The following TSC2 variants were observed in gnomAD, a reference collection of about 807,000 sequenced individuals.
TSC2 encodes the protein tuberin.
In TSC2, 29 loss-of-function variants were observed where a neutral mutation model predicts 202.2. The ratio of observed to expected loss-of-function variants is 0.14; its 90% CI spans 0.11 to 0.20. The LOEUF (loss-of-function observed/expected upper bound fraction) is 0.20, where lower values mean the gene tolerates loss of function less well. Ranked by LOEUF, TSC2 falls within the 10% of genes least tolerant of loss-of-function variation. The probability of loss-of-function intolerance (pLI) is 1.00; values close to 1 mark genes in which losing one functional copy is unlikely to be tolerated. For missense variants in TSC2, 2,429 were observed against 2,420.0 expected (o/e 1.00, Z -0.08); for synonymous variants, 1,349 against 1,044.0 (o/e 1.29, Z -5.63).
chr16:2,082,723 G>A (rs921948216), intron 32 of TSC2: 8 of 629,726 alleles, frequency 1.3e-5, no homozygotes, highest in African/African-American at 5.4e-5. Context: ...CTGTTCCCAC[G>A]CTGTGCGAGC....
chr16:2,083,455 GAGCC>G (rs1341196182), intron 32 of TSC2: 1 of 660,852 alleles, frequency 1.5e-6, no homozygotes, highest in Non-Finnish European at 2.7e-6. Context: ...AGGGTGGGCA[GAGCC>G]GATTGCCTGC....
intron 25 of TSC2, 142 bp downstream of exon 25, chr16:2,076,727 C>G (rs1489191021): frequency 3.5e-6 from 3 of 856,802 alleles, no homozygotes; most frequent in African/African-American, 3.4e-5. Context: ...GCAGGACCTG[C>G]AAGGGCCGCT....
chr16:2,086,597 C>T (rs1026620468), intron 37 of TSC2, 135 bp from the exon 38 acceptor site: 239 of 1,459,228 alleles, frequency 1.6e-4, no homozygotes, highest in Non-Finnish European at 2.1e-4. Flanking sequence ...AGCCGAGGAC[C>T]ACTGGCCAGG....
chr16:2,086,399 C>G lies in TSC2; in HGVS notation c.4849+20C>G, dbSNP rs140884776. The G allele has an allele frequency of 2.2e-5, 35 of 1,608,924 alleles. No homozygotes were observed. The Admixed American group carries it at 5.4e-4, about 25-fold the overall frequency. On this transcript the variant is annotated intron_variant, in intron 37 of 41. Transcript: ENST00000219476. ...TGCAAGGTACGGCCTGGCGCCTACCCGCTCCTGCTGCCCCAGGCCTCAGGG... is the reference window on the plus strand; with the variant it reads ...TGCAAGGTACGGCCTGGCGCCTACCGGCTCCTGCTGCCCCAGGCCTCAGGG...
At chr16:2,080,678 GT>G in intron 30 of TSC2, 1 of 389,478 alleles carries the variant, frequency 2.6e-6, no homozygotes, top group Middle Eastern at 8.1e-4. Flanking sequence ...TAGAGATGGG[GT>G]TTCACTGTGT....
Position 2,081,782 on chromosome 16 carries a change from G to A in TSC2, c.3798G>A (p.Leu1266=), listed in dbSNP as rs1187813837. 5.6e-6 allele frequency: 9 copies of A among 1,612,460 alleles called. No homozygotes were observed. The highest frequency in any genetic ancestry group is 7.6e-6 in the Non-Finnish European group (9 of 1,179,980). Reference sequence around the variant, plus strand: ...CCAGCACGGCCAAACCCCCTCCTCTGCCTCGCTCCAACACAGGTGAGTGGC... The same window carrying A: ...CCAGCACGGCCAAACCCCCTCCTCTACCTCGCTCCAACACAGGTGAGTGGC... The part of the protein sequence containing the change: ...PAASTAKPPP[L]PRSNTVASFS... The change falls in exon 31 of 42, where the codon CTG becomes CTA. Residue 1266 remains leucine, a synonymous_variant. Coordinates refer to ENST00000219476, the MANE Select transcript of TSC2 (RefSeq NM_000548.5).
rs1360361868 is a variant in TSC2 at position 2,074,382 on chromosome 16, C to T, written c.2538C>T (p.Phe846=). The T allele has an allele frequency of 1.2e-6, 2 of 1,610,784 alleles. No homozygotes were observed. The highest frequency in any genetic ancestry group is 1.1e-5 in the South Asian group (1 of 91,082). The change falls in exon 22 of 42, where the codon TTC becomes TTT. Residue 846 remains phenylalanine (F), a synonymous_variant. Coordinates refer to ENST00000219476, the MANE Select transcript of TSC2 (RefSeq NM_000548.5). ...GCATGGCCGTCCCACTGCTGGAGTT[C>T]CTGTCCAGTGAGTCCCCGCCCTGCC... is the stretch of plus-strand genomic sequence containing the variant. ...TASMAVPLLE[F]LSTLARLPHL...
Position 2,079,199 on chromosome 16 carries a change from C to T in TSC2, c.3131+3C>T. 1.2e-6 allele frequency: 2 copies of T among 1,612,844 alleles called. No homozygotes were observed. Among genetic ancestry groups the T allele is most frequent in the Non-Finnish European group, 1.7e-6 (2 of 1,180,010 alleles). On this transcript the variant is annotated splice_donor_region_variant and intron_variant, in intron 27 of 41. Transcript: ENST00000219476. The surrounding 1 kb of genome is among the most constrained non-coding windows in gnomAD (Gnocchi z 4.6). Reference sequence around the variant, plus strand: ...AACTTCACGGCTGTCCCGAAGAGGTCCAGGCGGCACTACAGGGCTGGGCGG... The same window carrying T: ...AACTTCACGGCTGTCCCGAAGAGGTTCAGGCGGCACTACAGGGCTGGGCGG...
intron 11 of TSC2, chr16:2,061,614 CTG>C (rs1051448712): frequency 4.5e-5 from 25 of 554,336 alleles, no homozygotes; most frequent in Non-Finnish European, 7.5e-5. Flanking sequence ...ATCACAGCCA[CTG>C]TGGCCCCTTG....
intron 3 of TSC2, among the ~76,000 whole-genome samples, chr16:2,052,123 C>T (rs547336479): frequency 2.0e-5 from 3 of 151,978 alleles, no homozygotes; most frequent in South Asian, 2.1e-4. Context: ...TGTGTGGGTA[C>T]GGGGCAGCCT....
chr16:2,055,410 G>C lies in TSC2; in HGVS notation c.490G>C (p.Val164Leu), dbSNP rs1596270687. 2 of 1,614,220 alleles carry C rather than the reference G, an allele frequency of 1.2e-6. No individual in the cohort carries two copies. Among genetic ancestry groups the C allele is most frequent in the Non-Finnish European group, 1.7e-6 (2 of 1,180,034 alleles). Residue 164 changes from valine to leucine, a missense_variant, in exon 6 of 42, where the codon GTC (valine) becomes CTC (leucine). Physicochemically the swap from Val to Leu is conservative, Grantham distance 32 (BLOSUM62 1). Coordinates refer to ENST00000219476, the MANE Select transcript of TSC2 (RefSeq NM_000548.5). ...TYLEEELADF[V>L]LQWMDVGLSS... ...CGCCGCTTCTCCCCCAGCTGACTTT[G>C]TCCTGCAGTGGATGGATGTTGGCTT...
chr16:2,062,686 C>A, intron 13 of TSC2, 86 bp downstream of exon 13: 2 of 1,388,266 alleles, frequency 1.4e-6, no homozygotes, highest in Admixed American at 3.9e-5. Context: ...TCTCAGGATG[C>A]CCGATGAGCA....
At chr16:2,068,401 C>T (rs893677063) in intron 16 of TSC2, among the ~76,000 whole-genome samples, 6 of 152,190 alleles carry the variant, frequency 3.9e-5, no homozygotes, top group Non-Finnish European at 7.3e-5. Context: ...CAGTATGGGG[C>T]TGGGAGTGCC....
At chr16:2,082,930 C>G (rs1174613612) in intron 32 of TSC2, 1 of 375,298 alleles carries the variant, frequency 2.7e-6, no homozygotes, top group East Asian at 6.8e-5. Context: ...GCCTCAAGTC[C>G]CAGGTTGACC....
chr16:2,048,689 G>A lies in TSC2; in HGVS notation c.74G>A (p.Arg25Lys), dbSNP rs759867905. ...FKILLGLGTPRPNPRSAEGKQ... is the reference protein window; with the variant it reads ...FKILLGLGTPKPNPRSAEGKQ... Reference sequence around the variant, plus strand: ...ATTCTGTTGGGACTGGGAACACCGAGGCCAAATCCCAGGTCTGCAGAGGGT... The same window carrying A: ...ATTCTGTTGGGACTGGGAACACCGAAGCCAAATCCCAGGTCTGCAGAGGGT... The change falls in exon 2 of 42, where the codon AGG (arginine) becomes AAG (lysine). Residue 25 changes from arginine (R) to lysine (K), a missense_variant. By Grantham distance (26) the Arg-to-Lys change is conservative (BLOSUM62 2). Transcript: ENST00000219476. The A allele has an allele frequency of 1.2e-6, 2 of 1,614,064 alleles. No individual in the cohort carries two copies. The highest frequency in any genetic ancestry group is 1.7e-6 in the Non-Finnish European group (2 of 1,180,032).
chr16:2,063,206 C>G (rs531055351), intron 14 of TSC2, 153 bp downstream of exon 14: 1 of 914,888 alleles, frequency 1.1e-6, no homozygotes, highest in African/African-American at 1.6e-5. Flanking sequence ...CTGTTTACCC[C>G]TGTTCATTCA....
At chr16:2,085,067 TGGCTCG>T (rs1427784301) in intron 35 of TSC2, 41 bp downstream of exon 35, 1 of 1,610,650 alleles carries the variant, frequency 6.2e-7, no homozygotes, top group Admixed American at 1.7e-5. Flanking sequence ...TGGAGCTGTG[TGGCTCG>T]GGTGAATGGT....
At chr16:2,076,726 G>C (rs903828291) in intron 25 of TSC2, 141 bp downstream of exon 25, 2 of 855,964 alleles carry the variant, frequency 2.3e-6, no homozygotes, top group Non-Finnish European at 3.7e-6. Context: ...GGCAGGACCT[G>C]CAAGGGCCGC....
rs45517199 is a variant in TSC2, at chr16:2,070,522, C to G, written c.1783C>G (p.Gln595Glu). Residue 595 changes from glutamine (Q) to glutamate (E), a missense_variant, in exon 17 of 42, where the codon CAG (glutamine) becomes GAG (glutamate). Transcript: ENST00000219476. ...RVYEMLVSHI[Q>E]LHYKHSYTLP... ...GTATGAGATGCTGGTCAGCCACATTCAGCTCCACTACAAGCACAGCTACAC... is the reference window on the plus strand; with the variant it reads ...GTATGAGATGCTGGTCAGCCACATTGAGCTCCACTACAAGCACAGCTACAC... 8 of 1,613,390 alleles carry G rather than the reference C, an allele frequency of 5.0e-6. No individual in the cohort carries two copies. Among genetic ancestry groups the G allele is most frequent in the Middle Eastern group, 3.3e-4 (2 of 6,062 alleles).
Sources: allele counts gnomAD v4.1 joint callset (sites outside exome capture counted in the v4.1 genomes callset), GRCh38; gene constraint gnomAD v4.1.1; non-coding constraint Gnocchi (gnomAD v3.1); transcripts MANE v1.5; gene names NCBI Gene and HGNC (gene_info 2026-07-23, HGNC 2026-07-21).